Variants in LAMB1 observed in about 807,000 individuals in gnomAD.
LAMB1 encodes the protein laminin subunit beta 1.
A neutral mutation model predicts 222.3 loss-of-function variants in LAMB1; 121 were observed. That is an observed-to-expected ratio of 0.54 (90% CI 0.47 to 0.63). The LOEUF (loss-of-function observed/expected upper bound fraction) is 0.63, where lower values mean the gene tolerates loss of function less well. Ranked by LOEUF, LAMB1 falls within the 30% of genes least tolerant of loss-of-function variation. The pLI is 0.00. For missense variants in LAMB1, 2,172 were observed against 2,240.8 expected (o/e 0.97, Z 0.62); for synonymous variants, 794 against 807.2 (o/e 0.98, Z 0.28).
chr7:107,940,928 A>G (rs975111099), intron 24 of LAMB1, among the ~76,000 whole-genome samples: 2 of 152,242 alleles, frequency 1.3e-5, no homozygotes, highest in African/African-American at 4.8e-5. Flanking sequence ...ATCTCACAAC[A>G]AAACATACTT....
intron 29 of LAMB1, among the ~76,000 whole-genome samples, chr7:107,930,720 G>A (rs921500026): frequency 2.0e-5 from 3 of 152,160 alleles, no homozygotes; most frequent in African/African-American, 4.8e-5. Context: ...ATGATGTCTG[G>A]AACTTTGGCA....
rs187677681 is a variant in LAMB1, at chr7:107,973,811, A to T, written c.1483-740T>A. ...CAGGCATGTGCCACCACACCCAGCT[A>T]ATTTTTCTATTATTTTTAGTAGAGA... On this transcript the variant is annotated intron_variant, in intron 12 of 33. Coordinates refer to ENST00000222399, the MANE Select transcript of LAMB1 (RefSeq NM_002291.3). Among the ~76,000 whole-genome samples, 541 of 152,114 alleles carry T rather than the reference A, an allele frequency of 3.6e-3. 3 individuals are homozygous for T. Among genetic ancestry groups the T allele is most frequent in the Non-Finnish European group, 6.1e-3 (413 of 67,992 alleles).
chr7:107,965,345 C>T (rs1437033693), intron 13 of LAMB1, among the ~76,000 whole-genome samples: 3 of 152,164 alleles, frequency 2.0e-5, no homozygotes, highest in Non-Finnish European at 2.9e-5. Context: ...TTTGGGAGGC[C>T]GAGACAGGCG....
At chr7:107,992,904 A>T (rs938844568) in intron 5 of LAMB1, among the ~76,000 whole-genome samples, 6 of 152,168 alleles carry the variant, frequency 3.9e-5, no homozygotes, top group Non-Finnish European at 8.8e-5. Flanking sequence ...TTAAAAAACA[A>T]AAAACAGAGG....
In LAMB1 at chr7:107,940,114, C is replaced by G; in HGVS notation, c.3636G>C (p.Val1212=). The G allele has an allele frequency of 6.2e-7, 1 of 1,614,148 alleles. No homozygotes were observed. The highest frequency in any genetic ancestry group is 8.5e-7 in the Non-Finnish European group (1 of 1,180,034). Residue 1212 remains valine, a synonymous_variant, in exon 25 of 34, where the codon GTG becomes GTC. Coordinates refer to ENST00000222399, the MANE Select transcript of LAMB1 (RefSeq NM_002291.3). ...CCACAGTCTCACGGTAAGGCCCGAT[C>G]ACACCACTGATCTTCAAGGCCTTGG... ...EKAKALKISG[V]IGPYRETVDS... is the part of the protein sequence containing the mutation.
chr7:107,925,848 G>A (rs894212256), intron 32 of LAMB1, among the ~76,000 whole-genome samples: 3 of 147,306 alleles, frequency 2.0e-5, no homozygotes, highest in East Asian at 2.0e-4. Flanking sequence ...ACTGACTACC[G>A]CACAGAAATA....
Position 107,935,364 on chromosome 7 carries a change from T to C in LAMB1, c.4188+51A>G, listed in dbSNP as rs1166240292. The C allele has an allele frequency of 4.7e-6, 6 of 1,264,748 alleles. No individual in the cohort carries two copies. The African/African-American group carries it at 7.9e-5, about 17-fold the overall frequency. The allele number at this position is 1,264,748 out of a possible 1,614,324, so 78.3% of individuals were successfully genotyped here. On this transcript the variant is annotated intron_variant, in intron 27 of 33. Transcript: ENST00000222399. ...TTTTCTTTGTTTTTTTTTTTTTTTTTTTTTTTTTTGCTTGGCACCATAGCA... is the reference window on the plus strand; with the variant it reads ...TTTTCTTTGTTTTTTTTTTTTTTTTCTTTTTTTTTGCTTGGCACCATAGCA...
At chr7:107,945,868 C>A (rs759084622) in intron 24 of LAMB1, among the ~76,000 whole-genome samples, 1 of 152,212 alleles carries the variant, frequency 6.6e-6, no homozygotes, top group East Asian at 1.9e-4. Flanking sequence ...CTAATGACTC[C>A]ATTTCCTACT....
chr7:107,929,779 A>ATTC, intron 29 of LAMB1, 160 bp from the exon 30 acceptor site: 1 of 592,946 alleles, frequency 1.7e-6, no homozygotes, highest in Non-Finnish European at 3.0e-6. Flanking sequence ...TGGGATTTTG[A>ATTC]GGGGAGATGA....
At chr7:107,933,912 C>T (rs746254438) in intron 27 of LAMB1, among the ~76,000 whole-genome samples, 1 of 152,098 alleles carries the variant, frequency 6.6e-6, no homozygotes. Flanking sequence ...GAGATGCCTC[C>T]GGTTCAAGAC....
At chr7:107,991,419 C>G (rs1309982743) in intron 5 of LAMB1, among the ~76,000 whole-genome samples, 1 of 152,068 alleles carries the variant, frequency 6.6e-6, no homozygotes, top group Non-Finnish European at 1.5e-5. Flanking sequence ...GAAGCCCCGT[C>G]TCTACTAAAA....
At chr7:107,931,176 T>A (rs747314315) in intron 29 of LAMB1, among the ~76,000 whole-genome samples, 180 bp downstream of exon 29, 1 of 152,140 alleles carries the variant, frequency 6.6e-6, no homozygotes, top group African/African-American at 2.4e-5. Flanking sequence ...CTGCGTAACA[T>A]TGGAGAAAGT....
At chr7:107,964,463 C>T (rs2033582957) in intron 14 of LAMB1, 89 bp downstream of exon 14, 2 of 1,482,966 alleles carry the variant, frequency 1.3e-6, no homozygotes, top group Non-Finnish European at 1.9e-6. Flanking sequence ...TATAAAAATG[C>T]TTCTGAAATG....
At position 107,964,663 on chromosome 7, in the gene LAMB1, G is replaced by C; in HGVS notation, c.1587C>G (p.Cys529Trp). The C allele has an allele frequency of 1.2e-6, 2 of 1,614,148 alleles. No individual in the cohort carries two copies. Among genetic ancestry groups the C allele is most frequent in the Non-Finnish European group, 1.7e-6 (2 of 1,180,016 alleles). Residue 529 changes from cysteine (C) to tryptophan (W), a missense_variant, in exon 14 of 34, where the codon TGC (cysteine) becomes TGG (tryptophan). Transcript: ENST00000222399. ...GTCCAATCATGTGAGGCCGGCATGA[G>C]CACTGGCCTGACTCCGCAAAGCAAC... ...NNSCFAESGQ[C>W]SCRPHMIGRQ... is the part of the protein sequence containing the mutation.
At chr7:107,929,698 A>G (rs1161930352) in intron 29 of LAMB1, 79 bp from the exon 30 acceptor site, 19 of 1,117,172 alleles carry the variant, frequency 1.7e-5, no homozygotes, top group East Asian at 4.9e-5. Flanking sequence ...CTGGTCATCT[A>G]CTATGGACTA....
chr7:107,939,989 T>G lies in LAMB1; in HGVS notation c.3761A>C (p.Glu1254Ala), dbSNP rs2032940375. ...TTCCTCTGGCTCATTAACTACTTAC[T>G]CTGCTTCCTCAAAGAGATTCCCAAT... is the stretch of plus-strand genomic sequence containing the variant. Reference protein sequence around the residue: ...KNIGNLFEEAEKLIKDVTEMM... With the variant: ...KNIGNLFEEAAKLIKDVTEMM... The change falls in exon 25 of 34, where the codon GAG becomes GCG. Residue 1254 changes from glutamate to alanine, a missense_variant and splice_region_variant. Coordinates refer to ENST00000222399, the MANE Select transcript of LAMB1 (RefSeq NM_002291.3). 1 of 1,612,486 alleles carries G rather than the reference T, an allele frequency of 6.2e-7. No homozygotes were observed. The highest frequency in any genetic ancestry group is 1.3e-5 in the African/African-American group (1 of 74,924).
rs2033899805 is a variant in LAMB1, at chr7:107,977,915, C to T, written c.1000+132G>A. ...CAGATTGTTGGTTGTCTAGGAGTAT[C>T]AGGGTGAAGCTGGAAAAAAGACAGT... On this transcript the variant is annotated intron_variant, in intron 9 of 33. Transcript: ENST00000222399. The T allele has an allele frequency of 4.4e-6, 4 of 914,700 alleles. No individual in the cohort carries two copies. The Admixed American group carries it at 6.5e-5, about 15-fold the overall frequency. The allele number at this position is 914,700 out of a possible 1,614,324, so 56.7% of individuals were successfully genotyped here.
intron 20 of LAMB1, among the ~76,000 whole-genome samples, chr7:107,956,776 T>C (rs771690419): frequency 1.1e-4 from 17 of 152,192 alleles, no homozygotes; most frequent in Non-Finnish European, 1.9e-4. Flanking sequence ...GTGTAGCCCC[T>C]GTGTTTGTCT....
rs774135621 is a variant in LAMB1 at position 108,001,759 on chromosome 7, T to TG, written c.38-27dup. On this transcript the variant is annotated intron_variant, in intron 2 of 33. Transcript: ENST00000222399. ...CTGCGGGAAGGACAGGCAACAGAGT[T>TG]GGGGGGACACAAGCAGGGAGTGGAG... 25 of 1,597,034 alleles carry TG rather than the reference T, an allele frequency of 1.6e-5. No individual in the cohort carries two copies. In the East Asian group the frequency reaches 5.6e-4, roughly 36 times the overall value.
Sources: gnomAD v4.1 joint callset for allele counts (sites outside exome capture counted in the v4.1 genomes callset) on GRCh38, gnomAD v4.1.1 for gene constraint, MANE v1.5 for transcripts, NCBI Gene and HGNC (gene_info 2026-07-23, HGNC 2026-07-21) for gene names.